Variants in TLN1 observed in about 807,000 individuals in gnomAD.
TLN1 encodes the protein talin-1.
A neutral mutation model predicts 292.3 loss-of-function variants in TLN1; 56 were observed. That is an observed-to-expected ratio of 0.19 (90% CI 0.15 to 0.24). TLN1 has a LOEUF of 0.24. Among genes scored for constraint, TLN1 ranks in the 10% least tolerant of loss-of-function variants. TLN1 has a pLI of 1.00. For synonymous variants in TLN1, 1,119 were observed against 1,253.7 expected (o/e 0.89, Z 2.27); for missense variants, 2,433 against 3,248.2 (o/e 0.75, Z 6.10).
chr9:35,716,190 TA>T lies in TLN1; in HGVS notation c.2625+199del, dbSNP rs11443679. Among the ~76,000 whole-genome samples, 753 of 112,388 alleles carry T rather than the reference TA, an allele frequency of 6.7e-3. 3 individuals are homozygous for T. Among genetic ancestry groups the T allele is most frequent in the African/African-American group, 0.018 (549 of 29,728 alleles). 73.7% of individuals were successfully genotyped at this position (112,388 alleles called of 152,430 possible). ...GGGCAACACAGTGAGACCACATCTT[TA>T]AAAAAAAAAAAAAAAAAAAAGCCTG... On this transcript the variant is annotated intron_variant, in intron 20 of 56. Transcript: ENST00000314888.
chr9:35,718,259 G>C (rs1825819223), intron 17 of TLN1, among the ~76,000 whole-genome samples: 1 of 152,218 alleles, frequency 6.6e-6, no homozygotes, highest in East Asian at 1.9e-4. Context: ...CTCCCACCAA[G>C]TTCTGGTCCC....
Position 35,712,981 on chromosome 9 carries a change from C to T in TLN1, c.3415G>A (p.Ala1139Thr), listed in dbSNP as rs772253612. Residue 1139 changes from alanine to threonine, a missense_variant, in exon 27 of 57, where the codon GCT becomes ACT. This residue lies in a region of TLN1 where 1,384 missense variants were observed against 1,699.6 expected (regional missense o/e 0.81). Transcript: ENST00000314888. ...ACTGCAGGATCTGACGTCAGTGCAGCGACTCCCCTAGCGGCCTGGGCCAGT... is the reference window on the plus strand; with the variant it reads ...ACTGCAGGATCTGACGTCAGTGCAGTGACTCCCCTAGCGGCCTGGGCCAGT... ...RSLAQAARGV[A>T]ALTSDPAVQA... 20 of 1,609,622 alleles carry T rather than the reference C, an allele frequency of 1.2e-5. No individual in the cohort carries two copies. Among genetic ancestry groups the T allele is most frequent in the South Asian group, 7.7e-5 (7 of 90,384 alleles).
chr9:35,718,306 T>C (rs1825820419), intron 17 of TLN1, among the ~76,000 whole-genome samples: 1 of 152,138 alleles, frequency 6.6e-6, no homozygotes, highest in African/African-American at 2.4e-5. Flanking sequence ...AACGAGTGTA[T>C]GCGGCTCAGA....
rs974727667 is a variant in TLN1, at chr9:35,711,493, G to A, written c.3880-99C>T. On this transcript the variant is annotated intron_variant, in intron 29 of 56. Transcript: ENST00000314888. Reference sequence around the variant, plus strand: ...GACACTCAAGTAGTGCTAGAGACTGGGGAGGGAAGGGAGCCAGGAGCAAGT... The same window carrying A: ...GACACTCAAGTAGTGCTAGAGACTGAGGAGGGAAGGGAGCCAGGAGCAAGT... 7 of 1,603,120 alleles carry A rather than the reference G, an allele frequency of 4.4e-6. No homozygotes were observed. The South Asian group carries it at 4.5e-5, about 10-fold the overall frequency.
chr9:35,717,084 T>C lies in TLN1; in HGVS notation c.2458+62A>G. ...AGTGGTTAGGTCCGCAAGGGGATGA[T>C]GTCCAGTGGGCTTAGGGAACCCTGG... On this transcript the variant is annotated intron_variant, in intron 19 of 56. Coordinates refer to ENST00000314888, the MANE Select transcript of TLN1 (RefSeq NM_006289.4). This position sits in a 1 kb window ranked among gnomAD's most constrained non-coding sequence, Gnocchi z 4.7. The C allele has an allele frequency of 1.3e-6, 2 of 1,531,258 alleles. No individual in the cohort carries two copies. Among genetic ancestry groups the C allele is most frequent in the Non-Finnish European group, 8.8e-7 (1 of 1,135,898 alleles). The allele number at this position is 1,531,258 out of a possible 1,614,324, so 94.9% of individuals were successfully genotyped here.
In TLN1 at chr9:35,699,158, T is replaced by G. The variant is rs768362216; in HGVS notation, c.6875-2A>C. On this transcript the variant is annotated splice_acceptor_variant, in intron 51 of 56. Transcript: ENST00000314888. LOFTEE classifies it high-confidence loss of function. The surrounding 1 kb of genome is among the most constrained non-coding windows in gnomAD (Gnocchi z 4.0). ...CCTCTGGGTCTACCCATTCTGTTCC[T>G]GGTGGGATGAAGGAAGAGGAAAGAG... The G allele has an allele frequency of 3.6e-5, 58 of 1,603,534 alleles. No individual in the cohort carries two copies. The East Asian group carries it at 1.3e-3, about 35-fold the overall frequency.
At chr9:35,711,439 T>A in intron 29 of TLN1, 45 bp from the exon 30 acceptor site, 1 of 1,612,868 alleles carries the variant, frequency 6.2e-7, no homozygotes, top group Non-Finnish European at 8.5e-7. Flanking sequence ...TCCTTTCTTA[T>A]CTGTCTCTAA....
Position 35,707,534 on chromosome 9 carries a change from G to A in TLN1, c.4633-46C>T, listed in dbSNP as rs746089166. On this transcript the variant is annotated intron_variant, in intron 35 of 56. Coordinates refer to ENST00000314888, the MANE Select transcript of TLN1 (RefSeq NM_006289.4). This position sits in a 1 kb window ranked among gnomAD's most constrained non-coding sequence, Gnocchi z 5.6. ...CTCAGGACTTGGGATGCAGTCATAG[G>A]GGGTATAGGAAGTGAAGTCCAGGTC... 25 of 1,605,298 alleles carry A rather than the reference G, an allele frequency of 1.6e-5. No homozygotes were observed. Among genetic ancestry groups the A allele is most frequent in the Admixed American group, 3.4e-5 (2 of 59,522 alleles).
chr9:35,728,640 G>A (rs1322240563), intron 1 of TLN1, among the ~76,000 whole-genome samples: 1 of 152,048 alleles, frequency 6.6e-6, no homozygotes, highest in African/African-American at 2.4e-5. Flanking sequence ...ATCCCATCAC[G>A]ACTGCATTAT....
chr9:35,720,614 T>C, intron 11 of TLN1, 105 bp from the exon 12 acceptor site: 1 of 1,193,864 alleles, frequency 8.4e-7, no homozygotes, highest in Non-Finnish European at 1.2e-6. Context: ...AGAAGCTGAG[T>C]GTCCATTTCT....
At chr9:35,716,272 T>C (rs892214878) in intron 20 of TLN1, 118 bp downstream of exon 20, 15 of 1,213,824 alleles carry the variant, frequency 1.2e-5, no homozygotes, top group Non-Finnish European at 1.7e-5. Flanking sequence ...GCTCCTATAT[T>C]TGTCCTCTTG....
intron 20 of TLN1, 72 bp downstream of exon 20, chr9:35,716,318 G>A: frequency 2.6e-6 from 4 of 1,550,022 alleles, no homozygotes; most frequent in Non-Finnish European, 3.5e-6. Context: ...CTCATCAGAT[G>A]AGGGTGACCA....
chr9:35,698,046 G>C lies in TLN1; in HGVS notation c.7498C>G (p.Gln2500Glu). ...VKEKMVGGIA[Q>E]IIAAQEEMLR... is the part of the protein sequence containing the mutation. The stretch of plus-strand genomic sequence containing the variant: ...TCAGCATCTGGGGTGAAGCTCACCT[G>C]GGCAATGCCGCCAACCATCTTCTCT... The change falls in exon 56 of 57, where the codon CAG becomes GAG. Residue 2500 changes from glutamine (Q) to glutamate (E), a missense_variant and splice_region_variant. Coordinates refer to ENST00000314888, the MANE Select transcript of TLN1 (RefSeq NM_006289.4). This position sits in a 1 kb window ranked among gnomAD's most constrained non-coding sequence, Gnocchi z 5.3. 6.2e-7 allele frequency: 1 copy of C among 1,614,134 alleles called. No individual in the cohort carries two copies. Among genetic ancestry groups the C allele is most frequent in the Non-Finnish European group, 8.5e-7 (1 of 1,180,020 alleles).
chr9:35,699,840 G>A lies in TLN1; in HGVS notation c.6768+134C>T. 9.0e-7 allele frequency: 1 copy of A among 1,114,194 alleles called. No homozygotes were observed. The allele number at this position is 1,114,194 out of a possible 1,614,324, so 69.0% of individuals were successfully genotyped here. On this transcript the variant is annotated intron_variant, in intron 50 of 56. Transcript: ENST00000314888. This position sits in a 1 kb window ranked among gnomAD's most constrained non-coding sequence, Gnocchi z 4.0. Reference sequence around the variant, plus strand: ...GGGAGAAAGGGAGACTTGGAAAGGAGAACAGATTTGGGAAGTAGAGGGTGG... The same window carrying A: ...GGGAGAAAGGGAGACTTGGAAAGGAAAACAGATTTGGGAAGTAGAGGGTGG...
At chr9:35,700,945 A>G (rs1208658832) in intron 48 of TLN1, among the ~76,000 whole-genome samples, 3 of 152,160 alleles carry the variant, frequency 2.0e-5, no homozygotes, top group African/African-American at 4.8e-5. Flanking sequence ...CTGGTTTTGG[A>G]CACAGGTAAT....
At position 35,704,067 on chromosome 9, in the gene TLN1, A is replaced by T. The variant is rs773046339; in HGVS notation, c.6155T>A (p.Val2052Glu). 66 of 1,613,748 alleles carry T rather than the reference A, an allele frequency of 4.1e-5. No homozygotes were observed. The South Asian group carries it at 7.2e-4, about 18-fold the overall frequency. Residue 2052 changes from valine to glutamate, a missense_variant, in exon 46 of 57, where the codon GTG becomes GAG. By Grantham distance (121) the Val-to-Glu change is moderately radical (BLOSUM62 -2). Around this residue, in one of 7 missense-constraint regions of TLN1, gnomAD observed 1,384 missense variants for 1,699.6 expected, o/e 0.81. Coordinates refer to ENST00000314888, the MANE Select transcript of TLN1 (RefSeq NM_006289.4). The surrounding 1 kb of genome is among the most constrained non-coding windows in gnomAD (Gnocchi z 6.9). ...EKLAQAAQSS[V>E]ATITRLADVV... ...ATCAGCGAGGCGGGTGATGGTCGCCACGGAGGACTGGGCAGCCTGCGCCAA... is the reference window on the plus strand; with the variant it reads ...ATCAGCGAGGCGGGTGATGGTCGCCTCGGAGGACTGGGCAGCCTGCGCCAA...
At position 35,714,425 on chromosome 9, in the gene TLN1, G is replaced by A; in HGVS notation, c.2986-52C>T. On this transcript the variant is annotated intron_variant, in intron 23 of 56. Transcript: ENST00000314888. This position sits in a 1 kb window ranked among gnomAD's most constrained non-coding sequence, Gnocchi z 4.6. Reference sequence around the variant, plus strand: ...AGTGTGCCATCCTCCCTCTGGGCTTGGGTACAAGGACTGATGATGGTCAGG... The same window carrying A: ...AGTGTGCCATCCTCCCTCTGGGCTTAGGTACAAGGACTGATGATGGTCAGG... 6.3e-7 allele frequency: 1 copy of A among 1,580,694 alleles called. No individual in the cohort carries two copies. Among genetic ancestry groups the A allele is most frequent in the Non-Finnish European group, 8.6e-7 (1 of 1,164,588 alleles).
intron 28 of TLN1, 45 bp downstream of exon 28, chr9:35,711,960 C>T (rs1199650260): frequency 6.2e-7 from 1 of 1,606,690 alleles, no homozygotes; most frequent in African/African-American, 1.3e-5. Flanking sequence ...AGAGGCCTGG[C>T]ATTCTTTGAC....
At chr9:35,713,833 TAAAAG>T in intron 25 of TLN1, 115 bp downstream of exon 25, 20 of 1,064,352 alleles carry the variant, frequency 1.9e-5, no homozygotes, top group Non-Finnish European at 2.6e-5. Context: ...AAAAGAAAAA[TAAAAG>T]AGAGAAAGAG....
Sources: gnomAD v4.1 joint callset for allele counts (sites outside exome capture counted in the v4.1 genomes callset) on GRCh38, gnomAD v4.1.1 for gene constraint, gnomAD v4.1.1 regional missense constraint, Gnocchi (gnomAD v3.1) non-coding constraint, MANE v1.5 for transcripts, NCBI Gene and HGNC (gene_info 2026-07-23, HGNC 2026-07-21) for gene names.